The following LIMK2 variants were observed in gnomAD, a reference collection of about 807,000 sequenced individuals.
LIMK2 encodes the protein LIM domain kinase 2.
Under a neutral mutation model 75.7 loss-of-function variants are expected in LIMK2, and 35 were observed. The ratio of observed to expected loss-of-function variants is 0.46; its 90% CI spans 0.35 to 0.61. The LOEUF is 0.61. LIMK2 is among the 20% of genes least tolerant of loss of function. The pLI, the probability that LIMK2 is intolerant of heterozygous loss-of-function variation, is 0.00. For missense variants in LIMK2, 623 were observed against 831.0 expected (o/e 0.75, Z 3.08); for synonymous variants, 301 against 319.2 (o/e 0.94, Z 0.61).
chr22:31,271,289 C>A, intron 12 of LIMK2, 88 bp downstream of exon 12: 1 of 1,153,068 alleles, frequency 8.7e-7, no homozygotes, highest in Non-Finnish European at 1.3e-6. Flanking sequence ...TCCCCTCTGG[C>A]TAGAGGGCAG....
intron 15 of LIMK2, chr22:31,276,973 C>A: frequency 2.5e-6 from 4 of 1,613,928 alleles, no homozygotes; most frequent in Non-Finnish European, 3.4e-6. Flanking sequence ...GATCTCAGAA[C>A]TAGAGATTGA....
At chr22:31,243,493 A>G (rs950797442) in intron 2 of LIMK2, among the ~76,000 whole-genome samples, 1 of 152,136 alleles carries the variant, frequency 6.6e-6, no homozygotes, top group Admixed American at 6.5e-5. Flanking sequence ...CACTTACCAC[A>G]CCTTGCCTGA....
At chr22:31,258,689 C>T (rs2048809257) in intron 3 of LIMK2, 1 of 465,860 alleles carries the variant, frequency 2.1e-6, no homozygotes, top group Non-Finnish European at 3.9e-6. Context: ...TGGATAAGGA[C>T]CTCCAAGGAG....
chr22:31,271,533 C>G (rs1373399876), intron 12 of LIMK2, among the ~76,000 whole-genome samples: 1 of 152,176 alleles, frequency 6.6e-6, no homozygotes, highest in Admixed American at 6.5e-5. Context: ...TTGCTGACCC[C>G]ATTTTACAGT....
In LIMK2 at chr22:31,279,951, C is replaced by T. The variant is rs2049070193; in HGVS notation, c.*1510C>T. 1 of 152,300 alleles carries T rather than the reference C, an allele frequency of 6.6e-6. No homozygotes were observed. The highest frequency in any genetic ancestry group is 2.4e-5 in the African/African-American group (1 of 41,432). The allele number at this position is 152,300 out of a possible 1,614,324, so 9.4% of individuals were successfully genotyped here. A position where few individuals can be genotyped will look rare whatever the true frequency, so the allele number is the denominator to read the frequency against. ...TGCTTTAGGGCTGAGCCCTGGACTCCCAGCAGCAGCACAGTTCAGCATTGT... is the reference window on the plus strand; with the variant it reads ...TGCTTTAGGGCTGAGCCCTGGACTCTCAGCAGCAGCACAGTTCAGCATTGT... On this transcript the variant is annotated 3_prime_UTR_variant, in exon 16 of 16. Transcript: ENST00000331728.
chr22:31,212,383 C>A lies in LIMK2; in HGVS notation c.-26C>A. On this transcript the variant is annotated 5_prime_UTR_variant, in exon 1 of 16. Coordinates refer to ENST00000331728, the MANE Select transcript of LIMK2 (RefSeq NM_005569.4). The stretch of plus-strand genomic sequence containing the variant: ...GAGCTGCTGTGTCCCCCGCCTCCTC[C>A]TCCCCATTTCCGCGCTCCCGGGACC... 7.5e-7 allele frequency: 1 copy of A among 1,338,060 alleles called. No individual in the cohort carries two copies. 82.9% of individuals were successfully genotyped at this position (1,338,060 alleles called of 1,614,324 possible).
chr22:31,267,708 G>A, intron 9 of LIMK2, 68 bp from the exon 10 acceptor site: 1 of 1,513,102 alleles, frequency 6.6e-7, no homozygotes, highest in East Asian at 2.3e-5. Flanking sequence ...CTGATTCCTT[G>A]GAGGGAAGAG....
intron 15 of LIMK2, chr22:31,276,705 A>C (rs1004229013): frequency 7.8e-7 from 1 of 1,281,230 alleles, no homozygotes; most frequent in Non-Finnish European, 9.9e-7. Flanking sequence ...GGACAGCGGC[A>C]CCGCGGGGGG....
At chr22:31,234,704 A>T (rs2123789937) in intron 2 of LIMK2, among the ~76,000 whole-genome samples, 1 of 138,386 alleles carries the variant, frequency 7.2e-6, no homozygotes. Flanking sequence ...CTGGTGACAG[A>T]GTAAGACTCC....
In LIMK2 at chr22:31,273,468, G is replaced by A; in HGVS notation, c.1575G>A (p.Glu525=). 1 of 1,613,888 alleles carries A rather than the reference G, an allele frequency of 6.2e-7. No homozygotes were observed. Among genetic ancestry groups the A allele is most frequent in the African/African-American group, 1.3e-5 (1 of 75,038 alleles). Residue 525 remains glutamate, a synonymous_variant, in exon 14 of 16, where the codon GAG becomes GAA. Coordinates refer to ENST00000331728, the MANE Select transcript of LIMK2 (RefSeq NM_005569.4). ...TTCCCCAAGGAAAGAGCTATGATGA[G>A]ACGGTGGATATCTTCTCCTTTGGGA... is the stretch of plus-strand genomic sequence containing the variant. The part of the protein sequence containing the change: ...PEMLNGKSYD[E]TVDIFSFGIV...
intron 8 of LIMK2, 136 bp downstream of exon 8, chr22:31,266,268 G>A (rs2048894743): frequency 4.7e-6 from 4 of 857,040 alleles, no homozygotes; most frequent in Admixed American, 2.5e-5. Context: ...GGGTGTTGGT[G>A]TGAGAGGTAT....
chr22:31,257,074 T>TTC (rs1568995462), intron 2 of LIMK2, among the ~76,000 whole-genome samples: 1 of 83,354 alleles, frequency 1.2e-5, no homozygotes, highest in African/African-American at 4.3e-5. Flanking sequence ...TTTTTTTTTT[T>TTC]AGAGACGGGG....
intron 2 of LIMK2, among the ~76,000 whole-genome samples, chr22:31,228,358 G>T (rs895180006): frequency 7.2e-5 from 11 of 152,086 alleles, no homozygotes; most frequent in African/African-American, 2.7e-4. Context: ...AGCAGAAGTT[G>T]CAGTGAGCCG....
intron 5 of LIMK2, among the ~76,000 whole-genome samples, chr22:31,261,533 G>A (rs532118447): frequency 1.6e-4 from 20 of 127,286 alleles, no homozygotes; most frequent in African/African-American, 2.6e-4. Context: ...GCGACAGAGC[G>A]AGACTCCATC....
At chr22:31,256,002 TTTTTTTTTTTTTTTG>T (rs2048776164) in intron 2 of LIMK2, among the ~76,000 whole-genome samples, 1 of 117,360 alleles carries the variant, frequency 8.5e-6, no homozygotes, top group African/African-American at 3.4e-5. Flanking sequence ...TTTTTTTTTT[TTTTTTTTTTTTTTTG>T]AGACGGAATC....
chr22:31,220,685 G>A (rs776238802), intron 1 of LIMK2, among the ~76,000 whole-genome samples: 25 of 152,308 alleles, frequency 1.6e-4, no homozygotes, highest in Non-Finnish European at 2.6e-4. Flanking sequence ...TTAAGGGGCC[G>A]GGAGCAGTGG....
At chr22:31,275,129 C>T (rs1481511501) in intron 14 of LIMK2, 22 bp from the exon 15 acceptor site, 1 of 1,613,080 alleles carries the variant, frequency 6.2e-7, no homozygotes, top group Non-Finnish European at 8.5e-7. Flanking sequence ...CCTTTGTAAA[C>T]AGCTGTCTTC....
chr22:31,249,983 G>A (rs2048709103), intron 2 of LIMK2, among the ~76,000 whole-genome samples: 2 of 152,284 alleles, frequency 1.3e-5, no homozygotes, highest in African/African-American at 4.8e-5. Context: ...AACATATGGA[G>A]CCTCACTGGG....
chr22:31,259,000 G>C, intron 3 of LIMK2, 121 bp from the exon 4 acceptor site: 1 of 639,932 alleles, frequency 1.6e-6, no homozygotes, highest in Non-Finnish European at 2.9e-6. Context: ...GAGAGTGAAA[G>C]AGTGGATTTT....
Sources: gnomAD v4.1 joint callset for allele counts (sites outside exome capture counted in the v4.1 genomes callset) on GRCh38, gnomAD v4.1.1 for gene constraint, MANE v1.5 for transcripts, NCBI Gene and HGNC (gene_info 2026-07-23, HGNC 2026-07-21) for gene names.